Variants in STX1A observed in about 807,000 individuals in gnomAD.
STX1A encodes the protein syntaxin-1A.
Under a neutral mutation model 37.8 loss-of-function variants are expected in STX1A, and 4 were observed. The ratio of observed to expected loss-of-function variants is 0.11; its 90% CI spans 0.05 to 0.24. STX1A has a LOEUF of 0.24. STX1A is among the 10% of genes least tolerant of loss of function. The probability of loss-of-function intolerance (pLI) is 1.00; values close to 1 mark genes in which losing one functional copy is unlikely to be tolerated. For missense variants in STX1A, 251 were observed against 399.9 expected (o/e 0.63, Z 3.18); for synonymous variants, 135 against 147.4 (o/e 0.92, Z 0.61).
chr7:73,706,675 C>T lies in STX1A; in HGVS notation c.209-1451G>A, dbSNP rs1035673373. Among the ~76,000 whole-genome samples the T allele has an allele frequency of 2.6e-5, 4 of 152,056 alleles. No homozygotes were observed. The South Asian group carries it at 8.3e-4, about 32-fold the overall frequency. ...AGACAGCTCTGCTGCCCCATGCCCGCCCCACCTGCCAGCAGTGAGAGACCC... is the reference window on the plus strand; with the variant it reads ...AGACAGCTCTGCTGCCCCATGCCCGTCCCACCTGCCAGCAGTGAGAGACCC... On this transcript the variant is annotated intron_variant, in intron 3 of 9. Transcript: ENST00000222812. The surrounding 1 kb of genome is among the most constrained non-coding windows in gnomAD (Gnocchi z 4.6).
rs879999275 is a variant in STX1A at position 73,718,968 on chromosome 7, C to T, written c.30+634G>A. Among the ~76,000 whole-genome samples the T allele has an allele frequency of 5.5e-4, 84 of 152,036 alleles. 3 individuals are homozygous for T. The South Asian group carries it at 0.017, about 30-fold the overall frequency. On this transcript the variant is annotated intron_variant, in intron 1 of 9. Transcript: ENST00000222812. ...ACCGGGGGCGGGTGTGACGCCCCCC[C>T]CCCCATACCTGGGGCGGGCAGTGGA...
chr7:73,700,850 C>CG lies in STX1A; in HGVS notation c.679-11dup, dbSNP rs1563566567. On this transcript the variant is annotated splice_polypyrimidine_tract_variant and intron_variant, in intron 8 of 9. Transcript: ENST00000222812. The surrounding 1 kb of genome is among the most constrained non-coding windows in gnomAD (Gnocchi z 4.4). ...TGTCAATCATCTCTCCCTGCGGGGC[C>CG]GGGGGCACCCGAGCTCCAGAGGGCC... The CG allele has an allele frequency of 6.2e-7, 1 of 1,612,438 alleles. No homozygotes were observed. The highest frequency in any genetic ancestry group is 8.5e-7 in the Non-Finnish European group (1 of 1,179,936).
At chr7:73,710,616 G>A (rs1554617809) in intron 1 of STX1A, among the ~76,000 whole-genome samples, 3 of 152,146 alleles carry the variant, frequency 2.0e-5, no homozygotes, top group African/African-American at 7.2e-5. Context: ...AGTAGAGACA[G>A]GTTTCACTAT....
In STX1A at chr7:73,706,635, C is replaced by T. The variant is rs556810673; in HGVS notation, c.209-1411G>A. Reference sequence around the variant, plus strand: ...CGGTGCAGGAGGTGGCCTGCAGGAGCCCAAGGTGTGGAGCAGACAGCTCTG... The same window carrying T: ...CGGTGCAGGAGGTGGCCTGCAGGAGTCCAAGGTGTGGAGCAGACAGCTCTG... On this transcript the variant is annotated intron_variant, in intron 3 of 9. Transcript: ENST00000222812. The surrounding 1 kb of genome is among the most constrained non-coding windows in gnomAD (Gnocchi z 4.6). 2.0e-5 allele frequency among the ~76,000 whole-genome samples: 3 copies of T among 152,208 alleles called. No individual in the cohort carries two copies. The South Asian group carries it at 6.2e-4, about 32-fold the overall frequency.
chr7:73,701,095 G>C (rs1198419644), intron 8 of STX1A: 2 of 651,650 alleles, frequency 3.1e-6, no homozygotes, highest in African/African-American at 3.7e-5. Context: ...AGTCTCAGCT[G>C]AGGGTTGGGG....
At chr7:73,704,033 C>T (rs547624305) in intron 6 of STX1A, 115 bp downstream of exon 6, 6 of 1,247,332 alleles carry the variant, frequency 4.8e-6, no homozygotes, top group Non-Finnish European at 3.2e-6. Flanking sequence ...CTGCCTCGGG[C>T]CACCCGCCTC....
In STX1A at chr7:73,717,955, C is replaced by T. The variant is rs571773133; in HGVS notation, c.30+1647G>A. Among the ~76,000 whole-genome samples, 1 of 152,294 alleles carries T rather than the reference C, an allele frequency of 6.6e-6. No individual in the cohort carries two copies. Among genetic ancestry groups the T allele is most frequent in the East Asian group, 1.9e-4 (1 of 5,184 alleles). On this transcript the variant is annotated intron_variant, in intron 1 of 9. Coordinates refer to ENST00000222812, the MANE Select transcript of STX1A (RefSeq NM_004603.4). This position sits in a 1 kb window ranked among gnomAD's most constrained non-coding sequence, Gnocchi z 4.1. ...TTCTTTTGTGCCTCAGTTTCCCCTTCAGCTAGGGGGATGAAGGCTGACATG... is the reference window on the plus strand; with the variant it reads ...TTCTTTTGTGCCTCAGTTTCCCCTTTAGCTAGGGGGATGAAGGCTGACATG...
chr7:73,718,784 G>C (rs538630418), intron 1 of STX1A, among the ~76,000 whole-genome samples: 1 of 152,048 alleles, frequency 6.6e-6, no homozygotes, highest in Non-Finnish European at 1.5e-5. Flanking sequence ...GACTCAGAAC[G>C]TTTGTGCATC....
chr7:73,710,977 T>C (rs1799081187), intron 1 of STX1A, among the ~76,000 whole-genome samples: 3 of 151,814 alleles, frequency 2.0e-5, no homozygotes, highest in Admixed American at 2.0e-4. Context: ...GTATGTTTGT[T>C]TGATTGATGG....
chr7:73,709,220 C>A lies in STX1A; in HGVS notation c.31-98G>T. ...ACAGCGCCAGGGCCCTGCCCCTCCC[C>A]CTCTCCCTGGGGGCCTCTGGGCAGG... On this transcript the variant is annotated intron_variant, in intron 1 of 9. Coordinates refer to ENST00000222812, the MANE Select transcript of STX1A (RefSeq NM_004603.4). This position sits in a 1 kb window ranked among gnomAD's most constrained non-coding sequence, Gnocchi z 4.2. The A allele has an allele frequency of 8.0e-7, 1 of 1,247,794 alleles. No homozygotes were observed. 77.3% of individuals were successfully genotyped at this position (1,247,794 alleles called of 1,614,324 possible). A position where few individuals can be genotyped will look rare whatever the true frequency, so the allele number is the denominator to read the frequency against.
intron 3 of STX1A, among the ~76,000 whole-genome samples, chr7:73,707,804 G>A (rs1471943605): frequency 4.6e-5 from 7 of 151,426 alleles, no homozygotes; most frequent in Admixed American, 1.3e-4. Context: ...GCGTGGTGGC[G>A]CATGCCTGTA....
chr7:73,713,462 C>T (rs1251775319), intron 1 of STX1A, among the ~76,000 whole-genome samples: 1 of 152,198 alleles, frequency 6.6e-6, no homozygotes, highest in Non-Finnish European at 1.5e-5. Context: ...AGCATGATGG[C>T]TCACGCCGGT....
Position 73,709,449 on chromosome 7 carries a change from T to G in STX1A, c.31-327A>C, listed in dbSNP as rs1231827662. On this transcript the variant is annotated intron_variant, in intron 1 of 9. Coordinates refer to ENST00000222812, the MANE Select transcript of STX1A (RefSeq NM_004603.4). The surrounding 1 kb of genome is among the most constrained non-coding windows in gnomAD (Gnocchi z 4.2). ...GGCAAGCGAGCCTGGGGCCGGCCGC[T>G]CTGTCTGGGCCCTCTGGGTCCCCTA... Among the ~76,000 whole-genome samples the G allele has an allele frequency of 6.6e-6, 1 of 152,042 alleles. No individual in the cohort carries two copies. Among genetic ancestry groups the G allele is most frequent in the African/African-American group, 2.4e-5 (1 of 41,376 alleles).
chr7:73,715,382 A>G (rs1799255019), intron 1 of STX1A, among the ~76,000 whole-genome samples: 1 of 152,004 alleles, frequency 6.6e-6, no homozygotes, highest in East Asian at 1.9e-4. Flanking sequence ...AGATGGCACC[A>G]TTGCACTCCA....
intron 5 of STX1A, 41 bp from the exon 6 acceptor site, chr7:73,704,297 G>A: frequency 1.9e-6 from 3 of 1,613,812 alleles, no homozygotes; most frequent in Non-Finnish European, 2.5e-6. Flanking sequence ...AGGCCCTGCG[G>A]GGACCGACCC....
At chr7:73,718,963 C>G (rs1164107099) in intron 1 of STX1A, among the ~76,000 whole-genome samples, 6 of 43,920 alleles carry the variant, frequency 1.4e-4, no homozygotes, top group East Asian at 3.8e-4. Flanking sequence ...GGTGTGACGC[C>G]CCCCCCCCCA....
intron 1 of STX1A, among the ~76,000 whole-genome samples, chr7:73,712,254 C>T (rs1417739401): frequency 6.6e-6 from 1 of 152,066 alleles, no homozygotes; most frequent in African/African-American, 2.4e-5. Context: ...TCTACTTCTT[C>T]GTTCTTGGGA....
chr7:73,704,703 C>G (rs951785789), intron 4 of STX1A: 1 of 549,378 alleles, frequency 1.8e-6, no homozygotes, highest in Non-Finnish European at 3.3e-6. Flanking sequence ...GGGTACCACT[C>G]CTTTTCTGCT....
At chr7:73,719,544 C>G in intron 1 of STX1A, 58 bp downstream of exon 1, 2 of 1,199,174 alleles carry the variant, frequency 1.7e-6, no homozygotes, top group Non-Finnish European at 2.1e-6. Flanking sequence ...CGGGAAGTGT[C>G]CGGCGCGTTG....
Sources: allele counts gnomAD v4.1 joint callset (sites outside exome capture counted in the v4.1 genomes callset), GRCh38; gene constraint gnomAD v4.1.1; non-coding constraint Gnocchi (gnomAD v3.1); transcripts MANE v1.5; gene names NCBI Gene and HGNC (gene_info 2026-07-23, HGNC 2026-07-21).